The following ZFPM2 variants were observed in gnomAD, a reference collection of about 807,000 sequenced individuals.
ZFPM2 encodes the protein zinc finger protein ZFPM2.
In ZFPM2, 20 loss-of-function variants were observed where a neutral mutation model predicts 98.6. That is an observed-to-expected ratio of 0.20 (90% CI 0.14 to 0.29). ZFPM2 has a LOEUF of 0.29. ZFPM2 is among the 10% of genes least tolerant of loss of function. ZFPM2 has a pLI of 1.00. For missense variants in ZFPM2, 1,310 were observed against 1,388.6 expected (o/e 0.94, Z 0.90); for synonymous variants, 518 against 502.7 (o/e 1.03, Z -0.41).
At chr8:105,376,319 A>C (rs1322087179) in intron 1 of ZFPM2, among the ~76,000 whole-genome samples, 1 of 152,192 alleles carries the variant, frequency 6.6e-6, no homozygotes, top group Non-Finnish European at 1.5e-5. Flanking sequence ...CAATATCTAG[A>C]CATTGAAGTT....
intron 3 of ZFPM2, among the ~76,000 whole-genome samples, chr8:105,458,171 A>G (rs2130288154): frequency 6.6e-6 from 1 of 152,266 alleles, no homozygotes; most frequent in East Asian, 1.9e-4. Flanking sequence ...AAATTCCCAT[A>G]GGCCGTATAT....
At chr8:105,554,373 T>C (rs1814935924) in intron 3 of ZFPM2, among the ~76,000 whole-genome samples, 1 of 152,116 alleles carries the variant, frequency 6.6e-6, no homozygotes, top group South Asian at 2.1e-4. Flanking sequence ...GGTTAAACCA[T>C]AAAATAGCAA....
At chr8:105,751,353 G>A (rs1282162892) in intron 5 of ZFPM2, among the ~76,000 whole-genome samples, 2 of 152,088 alleles carry the variant, frequency 1.3e-5, no homozygotes, top group Non-Finnish European at 2.9e-5. Flanking sequence ...TGGATGGGTA[G>A]TGATAGCTCC....
At chr8:105,461,903 G>A (rs1192850327) in intron 3 of ZFPM2, among the ~76,000 whole-genome samples, 4 of 152,166 alleles carry the variant, frequency 2.6e-5, no homozygotes, top group Admixed American at 2.0e-4. Context: ...CCTGGTCTCC[G>A]GAGATTGTGT....
At chr8:105,611,826 G>A (rs1188523236) in intron 4 of ZFPM2, among the ~76,000 whole-genome samples, 7 of 151,704 alleles carry the variant, frequency 4.6e-5, no homozygotes, top group Admixed American at 4.6e-4. Flanking sequence ...AGCTTCCCGA[G>A]TAGCTGGGAT....
At chr8:105,588,285 C>A (rs550602426) in intron 4 of ZFPM2, among the ~76,000 whole-genome samples, 1 of 151,924 alleles carries the variant, frequency 6.6e-6, no homozygotes, top group African/African-American at 2.4e-5. Flanking sequence ...GTCTCTGATG[C>A]GGTGAAATCC....
At chr8:105,739,609 C>CT (rs952633959) in intron 5 of ZFPM2, among the ~76,000 whole-genome samples, 42 of 145,098 alleles carry the variant, frequency 2.9e-4, no homozygotes, top group South Asian at 1.5e-3. Context: ...TAAATTTTTG[C>CT]TTTTTTTTTT....
At chr8:105,790,331 A>G (rs1316009075) in intron 6 of ZFPM2, among the ~76,000 whole-genome samples, 1 of 152,074 alleles carries the variant, frequency 6.6e-6, no homozygotes, top group African/African-American at 2.4e-5. Flanking sequence ...AGCACCATTT[A>G]TTAAATAGGG....
chr8:105,356,229 G>A (rs1304094071), intron 1 of ZFPM2, among the ~76,000 whole-genome samples: 1 of 152,088 alleles, frequency 6.6e-6, no homozygotes, highest in African/African-American at 2.4e-5. Context: ...TTTCCCTTTG[G>A]CACTTGGTTT....
intron 5 of ZFPM2, among the ~76,000 whole-genome samples, chr8:105,644,426 C>T (rs1484678916): frequency 6.6e-6 from 1 of 151,778 alleles, no homozygotes; most frequent in Non-Finnish European, 1.5e-5. Flanking sequence ...TTCTGAACTC[C>T]TCCAACATGT....
intron 3 of ZFPM2, among the ~76,000 whole-genome samples, chr8:105,480,346 A>G (rs116325025): frequency 7.3e-4 from 111 of 152,302 alleles, no homozygotes; most frequent in African/African-American, 2.5e-3. Flanking sequence ...GCCTGCATTC[A>G]TGCACGTATC....
chr8:105,363,488 T>C (rs1272932295), intron 1 of ZFPM2, among the ~76,000 whole-genome samples: 1 of 152,184 alleles, frequency 6.6e-6, no homozygotes, highest in Non-Finnish European at 1.5e-5. Flanking sequence ...GCCCACCATG[T>C]ACCAAATATT....
Position 105,590,746 on chromosome 8 carries a change from G to A in ZFPM2, c.420+29265G>A, listed in dbSNP as rs142824850. ...CACATGCATGAGTGTGCAAGTGCAT[G>A]TGCATACGTGCGCACGCACACACAC... On this transcript the variant is annotated intron_variant, in intron 4 of 7. Coordinates refer to ENST00000407775, the MANE Select transcript of ZFPM2 (RefSeq NM_012082.4). Among the ~76,000 whole-genome samples, 665 of 150,080 alleles carry A rather than the reference G, an allele frequency of 4.4e-3. 6 individuals carry two copies. Among genetic ancestry groups the A allele is most frequent in the African/African-American group, 0.015 (619 of 41,086 alleles).
At chr8:105,593,652 GAA>G (rs57938920) in intron 4 of ZFPM2, among the ~76,000 whole-genome samples, 6 of 109,434 alleles carry the variant, frequency 5.5e-5, no homozygotes, top group East Asian at 5.8e-4. Flanking sequence ...TCCATTCCAA[GAA>G]AAAAAAAAAA....
At chr8:105,329,978 A>G (rs992178478) in intron 1 of ZFPM2, among the ~76,000 whole-genome samples, 3 of 151,728 alleles carry the variant, frequency 2.0e-5, no homozygotes, top group South Asian at 2.1e-4. Flanking sequence ...TTTTTTTGCT[A>G]TGATAGAAAA....
intron 6 of ZFPM2, among the ~76,000 whole-genome samples, chr8:105,790,430 T>C (rs1453682540): frequency 6.6e-6 from 1 of 152,224 alleles, no homozygotes; most frequent in Non-Finnish European, 1.5e-5. Context: ...GAGGGCTCTG[T>C]TCTGTTCCAT....
intron 4 of ZFPM2, among the ~76,000 whole-genome samples, chr8:105,595,314 A>G (rs1815945441): frequency 6.6e-6 from 1 of 152,072 alleles, no homozygotes; most frequent in East Asian, 1.9e-4. Flanking sequence ...CCCTATTTTA[A>G]TAAGCCAGTG....
At chr8:105,657,813 C>T (rs769620409) in intron 5 of ZFPM2, among the ~76,000 whole-genome samples, 96 of 152,214 alleles carry the variant, frequency 6.3e-4, no homozygotes, top group Non-Finnish European at 1.1e-3. Context: ...ACAACCTTGC[C>T]TACAAATAAA....
At chr8:105,714,013 A>G (rs1401926171) in intron 5 of ZFPM2, among the ~76,000 whole-genome samples, 1 of 152,084 alleles carries the variant, frequency 6.6e-6, no homozygotes, top group Non-Finnish European at 1.5e-5. Flanking sequence ...GGAAAATTTT[A>G]TAGCAATGGT....
Sources: gnomAD v4.1 joint callset for allele counts (sites outside exome capture counted in the v4.1 genomes callset) on GRCh38, gnomAD v4.1.1 for gene constraint, MANE v1.5 for transcripts, NCBI Gene and HGNC (gene_info 2026-07-23, HGNC 2026-07-21) for gene names.